Variants in PLEKHA5 observed in about 807,000 individuals in gnomAD.
PLEKHA5 encodes the protein pleckstrin homology domain containing A5.
A neutral mutation model predicts 181.9 loss-of-function variants in PLEKHA5; 55 were observed. The observed-to-expected ratio is 0.30, with a 90% CI of 0.24 to 0.38. The LOEUF is 0.38. Among genes scored for constraint, PLEKHA5 ranks in the 10% least tolerant of loss-of-function variants. The pLI is 1.00. For missense variants in PLEKHA5, 1,432 were observed against 1,549.5 expected, an observed-to-expected ratio of 0.92 and a Z score of 1.27; for synonymous variants, 535 against 529.4, an observed-to-expected ratio of 1.01 and a Z score of -0.15.
chr12:19,329,221 C>A (rs1349624618), intron 20 of PLEKHA5, among the ~76,000 whole-genome samples: 1 of 152,114 alleles, frequency 6.6e-6, no homozygotes, highest in African/African-American at 2.4e-5. Flanking sequence ...TTTTGATATG[C>A]CACTGAATTT....
chr12:19,307,555 AAAG>A (rs1423604478), intron 15 of PLEKHA5: 13 of 322,704 alleles, frequency 4.0e-5, no homozygotes, highest in African/African-American at 1.1e-4. Flanking sequence ...GAGAAAGAAA[AAAG>A]AAGGCATTCA....
chr12:19,316,839 T>C (rs1223054064), intron 16 of PLEKHA5, among the ~76,000 whole-genome samples: 2 of 152,208 alleles, frequency 1.3e-5, no homozygotes, highest in Non-Finnish European at 2.9e-5. Flanking sequence ...CATGTTATTA[T>C]CCAGGGAAAA....
chr12:19,199,128 G>A (rs539364387), intron 3 of PLEKHA5, among the ~76,000 whole-genome samples: 2 of 152,180 alleles, frequency 1.3e-5, no homozygotes, highest in East Asian at 1.9e-4. Flanking sequence ...ATGGAAATAT[G>A]TTTTAAAATT....
Position 19,336,608 on chromosome 12 carries a change from G to A in PLEKHA5, c.2542G>A (p.Glu848Lys). 2.6e-6 allele frequency: 4 copies of A among 1,556,634 alleles called. No individual in the cohort carries two copies. Among genetic ancestry groups the A allele is most frequent in the Non-Finnish European group, 3.5e-6 (4 of 1,129,130 alleles). The stretch of plus-strand genomic sequence containing the variant: ...GCAAGAGCAGCTGGATCACCTTGGT[G>A]AAGTTCAGGTACAAAAGTATAATAT... ...QMQEQLDHLG[E>K]VQTESAGIQR... The change falls in exon 21 of 32, where the codon GAA (glutamate) becomes AAA (lysine). Residue 848 changes from glutamate (E) to lysine (K), a missense_variant. By Grantham distance (56) the Glu-to-Lys change is moderately conservative. Transcript: ENST00000429027.
chr12:19,245,734 A>C (rs2063567728), intron 3 of PLEKHA5, among the ~76,000 whole-genome samples: 1 of 150,404 alleles, frequency 6.6e-6, no homozygotes, highest in East Asian at 2.0e-4. Flanking sequence ...AAAAAAAAAA[A>C]AAAAAAAAAA....
chr12:19,352,946 C>CTTTT (rs33957042), intron 25 of PLEKHA5, among the ~76,000 whole-genome samples: 7 of 134,450 alleles, frequency 5.2e-5, no homozygotes, highest in Non-Finnish European at 9.6e-5. Context: ...CCACACCCAG[C>CTTTT]TTTTTTTTTT....
At chr12:19,170,594 A>G (rs1214142430) in intron 3 of PLEKHA5, among the ~76,000 whole-genome samples, 1 of 152,060 alleles carries the variant, frequency 6.6e-6, no homozygotes, top group Admixed American at 6.6e-5. Flanking sequence ...TAATTTTTGT[A>G]TTTTTAGTAG....
chr12:19,221,992 T>C (rs1249196925), intron 3 of PLEKHA5, among the ~76,000 whole-genome samples: 1 of 152,068 alleles, frequency 6.6e-6, no homozygotes, highest in African/African-American at 2.4e-5. Context: ...CATGGTGACA[T>C]GTGCCTGTAG....
At chr12:19,172,831 A>G (rs926030975) in intron 3 of PLEKHA5, among the ~76,000 whole-genome samples, 1 of 152,070 alleles carries the variant, frequency 6.6e-6, no homozygotes, top group African/African-American at 2.4e-5. Context: ...ACAGAATTTC[A>G]TGAACACTGT....
At chr12:19,374,285 A>G (rs1310408146) in intron 31 of PLEKHA5, among the ~76,000 whole-genome samples, 1 of 151,704 alleles carries the variant, frequency 6.6e-6, no homozygotes, top group Non-Finnish European at 1.5e-5. Flanking sequence ...GTGAAAACAG[A>G]GCTCCCCTAA....
chr12:19,287,174 C>T (rs2077401829), intron 12 of PLEKHA5, among the ~76,000 whole-genome samples: 1 of 151,770 alleles, frequency 6.6e-6, no homozygotes, highest in South Asian at 2.1e-4. Flanking sequence ...ATTTTTTATA[C>T]TTTTAGTAGA....
intron 20 of PLEKHA5, among the ~76,000 whole-genome samples, chr12:19,335,484 C>T (rs2093346942): frequency 6.7e-6 from 1 of 148,722 alleles, no homozygotes; most frequent in Non-Finnish European, 1.5e-5. Flanking sequence ...GGTGCAATCT[C>T]GGCTCACTGC....
chr12:19,177,433 TATTTC>T (rs1565429038), intron 3 of PLEKHA5, among the ~76,000 whole-genome samples: 2 of 152,176 alleles, frequency 1.3e-5, no homozygotes, highest in Admixed American at 6.5e-5. Context: ...AGGAAGATGA[TATTTC>T]ATTTGATAGA....
At chr12:19,249,962 C>T (rs971406220) in intron 3 of PLEKHA5, among the ~76,000 whole-genome samples, 1 of 152,134 alleles carries the variant, frequency 6.6e-6, no homozygotes, top group Non-Finnish European at 1.5e-5. Context: ...CACTGCTGAC[C>T]TTTCTGGAGG....
In PLEKHA5 at chr12:19,354,519, C is replaced by T. The variant is rs543581464; in HGVS notation, c.3138+517C>T. Reference sequence around the variant, plus strand: ...TTTTTGAGATGGAGTCTCGCTCTCTCGCCTGGGCTGGAGTGCAGTGGCGTG... The same window carrying T: ...TTTTTGAGATGGAGTCTCGCTCTCTTGCCTGGGCTGGAGTGCAGTGGCGTG... On this transcript the variant is annotated intron_variant, in intron 26 of 31. Coordinates refer to ENST00000429027, the MANE Select transcript of PLEKHA5 (RefSeq NM_001256470.2). Among the ~76,000 whole-genome samples, 12 of 144,846 alleles carry T rather than the reference C, an allele frequency of 8.3e-5. No homozygotes were observed. In the South Asian group the frequency reaches 1.1e-3, roughly 13 times the overall value.
At chr12:19,351,025 A>G (rs1242018357) in intron 25 of PLEKHA5, among the ~76,000 whole-genome samples, 1 of 142,110 alleles carries the variant, frequency 7.0e-6, no homozygotes, top group Non-Finnish European at 1.5e-5. Flanking sequence ...TGGTGAGATC[A>G]TGGCTCACTG....
Position 19,346,981 on chromosome 12 carries a change from C to T in PLEKHA5, c.2710-13C>T, listed in dbSNP as rs1424365456. ...TGCTTATCTAAATAAGGTGACTGTTCTACAATCTTTAGGAAGAGGAAGTAG... is the reference window on the plus strand; with the variant it reads ...TGCTTATCTAAATAAGGTGACTGTTTTACAATCTTTAGGAAGAGGAAGTAG... On this transcript the variant is annotated splice_polypyrimidine_tract_variant and intron_variant, in intron 23 of 31. Transcript: ENST00000429027. The T allele has an allele frequency of 5.6e-5, 85 of 1,531,014 alleles. No homozygotes were observed. Among genetic ancestry groups the T allele is most frequent in the Non-Finnish European group, 7.2e-5 (82 of 1,132,152 alleles). The allele number at this position is 1,531,014 out of a possible 1,614,324, so 94.8% of individuals were successfully genotyped here. A position where few individuals can be genotyped will look rare whatever the true frequency, so the allele number is the denominator to read the frequency against.
At chr12:19,309,389 A>G (rs1277912661) in intron 15 of PLEKHA5, among the ~76,000 whole-genome samples, 1 of 151,856 alleles carries the variant, frequency 6.6e-6, no homozygotes, top group Admixed American at 6.6e-5. Flanking sequence ...TCTTGCCCTT[A>G]TTTTGAATTT....
chr12:19,156,856 C>A (rs573583031), intron 3 of PLEKHA5, among the ~76,000 whole-genome samples: 1 of 148,850 alleles, frequency 6.7e-6, no homozygotes, highest in South Asian at 2.1e-4. Context: ...ACCAGCCTGG[C>A]CAACATGGTA....
Sources: gnomAD v4.1 joint callset for allele counts (sites outside exome capture counted in the v4.1 genomes callset) on GRCh38, gnomAD v4.1.1 for gene constraint, MANE v1.5 for transcripts, NCBI Gene and HGNC (gene_info 2026-07-23, HGNC 2026-07-21) for gene names.